Variants in TRPC7 observed in about 807,000 individuals in gnomAD.
The protein encoded by TRPC7 is transient receptor potential cation channel subfamily C member 7, also known as short transient receptor potential channel 7.
TRPC7 carries 42 observed loss-of-function variants against 90.1 expected under a neutral mutation model. The observed-to-expected ratio is 0.47, with a 90% CI of 0.36 to 0.60. The LOEUF is 0.60. TRPC7 is among the 20% of genes least tolerant of loss of function. The probability of loss-of-function intolerance (pLI) is 0.00; values close to 1 mark genes in which losing one functional copy is unlikely to be tolerated. For missense variants in TRPC7, 955 were observed against 1,112.3 expected, an observed-to-expected ratio of 0.86 and a Z score of 2.01; for synonymous variants, 451 against 436.3, an observed-to-expected ratio of 1.03 and a Z score of -0.42.
chr5:136,321,771 T>C (rs1297308874), intron 2 of TRPC7, among the ~76,000 whole-genome samples: 2 of 152,114 alleles, frequency 1.3e-5, no homozygotes, highest in East Asian at 1.9e-4. Context: ...AATCTGTAAA[T>C]TGAAGTGCCT....
chr5:136,230,534 C>T (rs1755781684), intron 8 of TRPC7, among the ~76,000 whole-genome samples: 1 of 152,196 alleles, frequency 6.6e-6, no homozygotes, highest in African/African-American at 2.4e-5. Flanking sequence ...CTTTCCCCAT[C>T]AGCATATACA....
intron 3 of TRPC7, among the ~76,000 whole-genome samples, chr5:136,287,903 A>C (rs902818418): frequency 6.6e-6 from 1 of 152,022 alleles, no homozygotes; most frequent in African/African-American, 2.4e-5. Context: ...ACACAGAAAA[A>C]GGTGCCCCCA....
intron 3 of TRPC7, among the ~76,000 whole-genome samples, chr5:136,311,558 A>G (rs1758831958): frequency 6.6e-6 from 1 of 152,222 alleles, no homozygotes. Context: ...TGGAAGGAAA[A>G]GGCCTTTAAG....
intron 11 of TRPC7, among the ~76,000 whole-genome samples, chr5:136,215,104 T>TAG (rs1002151430): frequency 7.9e-5 from 12 of 152,166 alleles, no homozygotes; most frequent in Non-Finnish European, 5.9e-5. Flanking sequence ...TTTTAACAGC[T>TAG]AGTTCTGAGG....
At chr5:136,262,168 C>T (rs193266392) in intron 5 of TRPC7, among the ~76,000 whole-genome samples, 70 of 152,314 alleles carry the variant, frequency 4.6e-4, no homozygotes, top group African/African-American at 1.5e-3. Flanking sequence ...TACTTCTGCT[C>T]GTATCCCACA....
chr5:136,364,912 T>G (rs560880330), intron 1 of TRPC7, among the ~76,000 whole-genome samples: 2 of 152,208 alleles, frequency 1.3e-5, no homozygotes, highest in African/African-American at 4.8e-5. Context: ...TACAACCACA[T>G]AAATACATTA....
At chr5:136,248,132 C>T (rs1756404122) in intron 6 of TRPC7, among the ~76,000 whole-genome samples, 1 of 152,168 alleles carries the variant, frequency 6.6e-6, no homozygotes, top group Non-Finnish European at 1.5e-5. Context: ...TCTCCCTCAC[C>T]AGTGTTTAGC....
At position 136,234,459 on chromosome 5, in the gene TRPC7, G is replaced by A. The variant is rs146623973; in HGVS notation, c.1845-2910C>T. On this transcript the variant is annotated intron_variant, in intron 7 of 11. Coordinates refer to ENST00000513104, the MANE Select transcript of TRPC7 (RefSeq NM_020389.3). Reference sequence around the variant, plus strand: ...AGAGTAGCTGGGATTACAGGCGCGCGCCACTGTGCCCAGCTAATTTTTGTA... The same window carrying A: ...AGAGTAGCTGGGATTACAGGCGCGCACCACTGTGCCCAGCTAATTTTTGTA... Among the ~76,000 whole-genome samples the A allele has an allele frequency of 4.2e-3, 642 of 152,116 alleles. 2 individuals are homozygous for A. Among genetic ancestry groups the A allele is most frequent in the African/African-American group, 0.015 (609 of 41,486 alleles).
At chr5:136,331,672 C>A (rs529251327) in intron 2 of TRPC7, among the ~76,000 whole-genome samples, 1 of 152,324 alleles carries the variant, frequency 6.6e-6, no homozygotes, top group South Asian at 2.1e-4. Context: ...AGTTGTTCCG[C>A]TCAGTTCAGC....
At position 136,365,425 on chromosome 5, in the gene TRPC7, T is replaced by C. The variant is rs2047544; in HGVS notation, c.-171A>G. ...TTGCAACGATGTGAAAGCGCGCTCC[T>C]CTGTTCTTTGTGTTGCAGTGGTAAA... On this transcript the variant is annotated 5_prime_UTR_variant, in exon 1 of 12. Coordinates refer to ENST00000513104, the MANE Select transcript of TRPC7 (RefSeq NM_020389.3). 1.0e-5 allele frequency: 7 copies of C among 679,032 alleles called. No homozygotes were observed. Among genetic ancestry groups the C allele is most frequent in the Non-Finnish European group, 1.8e-5 (7 of 391,718 alleles). 42.1% of individuals were successfully genotyped at this position (679,032 alleles called of 1,614,324 possible).
chr5:136,288,455 T>C (rs924835674), intron 3 of TRPC7, among the ~76,000 whole-genome samples: 1 of 146,346 alleles, frequency 6.8e-6, no homozygotes, highest in Non-Finnish European at 1.5e-5. Context: ...GAGTGGGCTG[T>C]GCCTTGTCTG....
rs184772755 is a variant in TRPC7, at chr5:136,220,263, C to T, written c.2344-3988G>A. On this transcript the variant is annotated intron_variant, in intron 10 of 11. Transcript: ENST00000513104. ...GACAACCATAAGGTCTGACTACCTGCGTGGTCGGGCAGAATAGAGCCATAT... is the reference window on the plus strand; with the variant it reads ...GACAACCATAAGGTCTGACTACCTGTGTGGTCGGGCAGAATAGAGCCATAT... Among the ~76,000 whole-genome samples the T allele has an allele frequency of 1.5e-3, 229 of 152,262 alleles. 1 individual carries two copies. Among genetic ancestry groups the T allele is most frequent in the African/African-American group, 4.8e-3 (201 of 41,540 alleles).
At chr5:136,269,675 A>G (rs749536370) in intron 4 of TRPC7, among the ~76,000 whole-genome samples, 7 of 152,222 alleles carry the variant, frequency 4.6e-5, no homozygotes, top group African/African-American at 7.2e-5. Flanking sequence ...ACTTGGATTA[A>G]TCATTCCCAA....
rs566320289 is a variant in TRPC7 at position 136,364,584 on chromosome 5, C to T, written c.2+669G>A. 2.0e-5 allele frequency among the ~76,000 whole-genome samples: 3 copies of T among 152,170 alleles called. No homozygotes were observed. The South Asian group carries it at 6.2e-4, about 32-fold the overall frequency. On this transcript the variant is annotated intron_variant, in intron 1 of 11. Transcript: ENST00000513104. ...CTGAGTCTACCCTGAATCCATTACG[C>T]CTCTAAATTATAATTAATAGCAATA...
chr5:136,292,072 T>C (rs901440736), intron 3 of TRPC7, among the ~76,000 whole-genome samples: 16 of 152,236 alleles, frequency 1.1e-4, no homozygotes, highest in African/African-American at 3.4e-4. Flanking sequence ...AAGGCAGAAA[T>C]AAAGAGGTTC....
Position 136,274,799 on chromosome 5 carries a change from G to T in TRPC7, c.1002C>A (p.Thr334=), listed in dbSNP as rs997813044. ...AHPNCQQQLL[T]MWYENLSGLR... ...AGCCTGAGAGATTTTCATACCACAT[G>T]GTAAGCAATTGCTGCTGACAGTTAG... The change falls in exon 4 of 12, where the codon ACC becomes ACA. Residue 334 remains threonine, a synonymous_variant. Coordinates refer to ENST00000513104, the MANE Select transcript of TRPC7 (RefSeq NM_020389.3). 12 of 1,587,558 alleles carry T rather than the reference G, an allele frequency of 7.6e-6. No individual in the cohort carries two copies. In the Admixed American group the frequency reaches 2.0e-4, roughly 26 times the overall value.
rs770731652 is a variant in TRPC7, at chr5:136,225,299, G to A, written c.2318C>T (p.Thr773Ile). The change falls in exon 10 of 12, where the codon ACT becomes ATT. Residue 773 changes from threonine to isoleucine, a missense_variant. By Grantham distance (89) the Thr-to-Ile change is moderately conservative. Transcript: ENST00000513104. ...CTGGTATCTGGTGGGCTTGCTCAAA[G>A]TGTTATTTGCTGTCAGATTTTCAGA... ...RNSENLTANNTLSKPTRYQKI... is the reference protein window; with the variant it reads ...RNSENLTANNILSKPTRYQKI... 13 of 1,613,230 alleles carry A rather than the reference G, an allele frequency of 8.1e-6. No individual in the cohort carries two copies. The Middle Eastern group carries it at 4.9e-4, about 61-fold the overall frequency.
chr5:136,312,419 T>C (rs1375750632), intron 3 of TRPC7, among the ~76,000 whole-genome samples: 1 of 152,142 alleles, frequency 6.6e-6, no homozygotes, highest in Non-Finnish European at 1.5e-5. Flanking sequence ...TGCTTCCTTT[T>C]GGAGCTGCAG....
At chr5:136,258,458 A>G (rs1394449037) in intron 5 of TRPC7, among the ~76,000 whole-genome samples, 2 of 152,060 alleles carry the variant, frequency 1.3e-5, no homozygotes, top group Non-Finnish European at 2.9e-5. Flanking sequence ...CCCAGGGCTC[A>G]AGGGGTAAGC....
Sources: gnomAD v4.1 joint callset for allele counts (sites outside exome capture counted in the v4.1 genomes callset) on GRCh38, gnomAD v4.1.1 for gene constraint, MANE v1.5 for transcripts, NCBI Gene and HGNC (gene_info 2026-07-23, HGNC 2026-07-21) for gene names.